The following CCDC126 variants were observed in gnomAD, a reference collection of about 807,000 sequenced individuals.
The protein encoded by CCDC126 is coiled-coil domain-containing protein 126.
CCDC126 carries 5 observed loss-of-function variants against 11.7 expected under a neutral mutation model. The observed-to-expected ratio is 0.43, with a 90% CI of 0.22 to 0.90. CCDC126 has a LOEUF of 0.90. Ranked by LOEUF, CCDC126 falls within the 40% of genes least tolerant of loss-of-function variation. The probability of loss-of-function intolerance (pLI) is 0.27; values close to 1 mark genes in which losing one functional copy is unlikely to be tolerated. For synonymous variants in CCDC126, 60 were observed against 61.9 expected (o/e 0.97, Z 0.14); for missense variants, 150 against 163.1 (o/e 0.92, Z 0.44).
At position 23,611,271 on chromosome 7, in the gene CCDC126, A is replaced by C; in HGVS notation, c.-45A>C. 1 of 1,219,896 alleles carries C rather than the reference A, an allele frequency of 8.2e-7. No homozygotes were observed. The highest frequency in any genetic ancestry group is 2.3e-5 in the East Asian group (1 of 42,884). The allele number at this position is 1,219,896 out of a possible 1,614,324, so 75.6% of individuals were successfully genotyped here. A position where few individuals can be genotyped will look rare whatever the true frequency, so the allele number is the denominator to read the frequency against. Reference sequence around the variant, plus strand: ...CAAGTCTTGATTTGTGGCTTACCTCAAGTTACCATTTTTCAGTCAAGTCTG... The same window carrying C: ...CAAGTCTTGATTTGTGGCTTACCTCCAGTTACCATTTTTCAGTCAAGTCTG... On this transcript the variant is annotated 5_prime_UTR_variant, in exon 3 of 4. Transcript: ENST00000307471.
rs1783423296 is a variant in CCDC126, at chr7:23,644,418, G to A, written c.*1303G>A. 1 of 152,362 alleles carries A rather than the reference G, an allele frequency of 6.6e-6. No homozygotes were observed. The highest frequency in any genetic ancestry group is 1.5e-5 in the Non-Finnish European group (1 of 67,930). The allele number at this position is 152,362 out of a possible 1,614,324, so 9.4% of individuals were successfully genotyped here. Reference sequence around the variant, plus strand: ...TAAGTGCAGCTAGCTTCTAGATTTAGACTATATAGAATTTAGATATTGTAT... The same window carrying A: ...TAAGTGCAGCTAGCTTCTAGATTTAAACTATATAGAATTTAGATATTGTAT... On this transcript the variant is annotated 3_prime_UTR_variant, in exon 4 of 4. Coordinates refer to ENST00000307471, the MANE Select transcript of CCDC126 (RefSeq NM_138771.4).
At chr7:23,641,020 T>C (rs1423394919) in intron 3 of CCDC126, among the ~76,000 whole-genome samples, 7 of 134,456 alleles carry the variant, frequency 5.2e-5, no homozygotes, top group African/African-American at 2.3e-4. Flanking sequence ...TTTTTTGGTA[T>C]ATACCTAGGA....
At chr7:23,609,099 G>C (rs887489830) in intron 2 of CCDC126, among the ~76,000 whole-genome samples, 3 of 152,112 alleles carry the variant, frequency 2.0e-5, no homozygotes, top group African/African-American at 7.2e-5. Flanking sequence ...TCTTCAGTTT[G>C]ACAATAATGG....
chr7:23,611,404 T>C lies in CCDC126; in HGVS notation c.89T>C (p.Leu30Pro), dbSNP rs2128015769. 6.2e-7 allele frequency: 1 copy of C among 1,613,942 alleles called. No homozygotes were observed. Among genetic ancestry groups the C allele is most frequent in the East Asian group, 2.2e-5 (1 of 44,844 alleles). Residue 30 changes from leucine (L) to proline (P), a missense_variant, in exon 3 of 4, where the codon CTG (leucine) becomes CCG (proline). Coordinates refer to ENST00000307471, the MANE Select transcript of CCDC126 (RefSeq NM_138771.4). The stretch of plus-strand genomic sequence containing the variant: ...GGACTCATTTGGGGATTGATGTTAC[T>C]GCACTATACTTTTCAACAACCAAGA... The part of the protein sequence containing the change: ...VFGLIWGLML[L>P]HYTFQQPRHQ...
At chr7:23,634,706 A>G (rs1783176546) in intron 3 of CCDC126, among the ~76,000 whole-genome samples, 1 of 152,134 alleles carries the variant, frequency 6.6e-6, no homozygotes, top group South Asian at 2.1e-4. Flanking sequence ...AGGAATTTGG[A>G]AAGTAGGAGG....
At chr7:23,599,336 G>A (rs1217516048) in intron 2 of CCDC126, among the ~76,000 whole-genome samples, 1 of 151,992 alleles carries the variant, frequency 6.6e-6, no homozygotes, top group African/African-American at 2.4e-5. Context: ...TTTTCCCTGG[G>A]GCCTCTTTGT....
intron 3 of CCDC126, among the ~76,000 whole-genome samples, chr7:23,619,985 T>C (rs1304745826): frequency 1.3e-5 from 2 of 152,134 alleles, no homozygotes; most frequent in Admixed American, 1.3e-4. Context: ...CTATCATTGT[T>C]GGATATTTGG....
chr7:23,631,593 T>C (rs1783115439), intron 3 of CCDC126, among the ~76,000 whole-genome samples: 1 of 151,992 alleles, frequency 6.6e-6, no homozygotes, highest in Admixed American at 6.6e-5. Context: ...AAACCCTGTC[T>C]CTACTAAAAA....
chr7:23,623,976 C>A (rs1348930020), intron 3 of CCDC126, among the ~76,000 whole-genome samples: 1 of 152,184 alleles, frequency 6.6e-6, no homozygotes, highest in Non-Finnish European at 1.5e-5. Context: ...TTAGTCCTTT[C>A]TTTACCTCTG....
intron 2 of CCDC126, among the ~76,000 whole-genome samples, chr7:23,602,930 T>A (rs989664293): frequency 4.5e-4 from 68 of 152,270 alleles, no homozygotes; most frequent in Middle Eastern, 3.4e-3. Context: ...ACCTTTCACA[T>A]CTATGGTTCC....
At chr7:23,623,593 CA>C (rs35474549) in intron 3 of CCDC126, among the ~76,000 whole-genome samples, 53,005 of 107,924 alleles carry the variant, frequency 0.49, 10,153 homozygotes, top group South Asian at 0.62. Flanking sequence ...GAGACTGTCT[CA>C]AAAAAAAAAA....
chr7:23,605,846 A>G (rs953899084), intron 2 of CCDC126, among the ~76,000 whole-genome samples: 1 of 152,120 alleles, frequency 6.6e-6, no homozygotes, highest in Non-Finnish European at 1.5e-5. Context: ...TCAATTACAG[A>G]TTGTATGATA....
intron 3 of CCDC126, chr7:23,619,381 C>T (rs1782850661): frequency 2.5e-6 from 1 of 396,372 alleles, no homozygotes; most frequent in Non-Finnish European, 4.9e-6. Context: ...GAAGCGCATG[C>T]TTAAACTCAG....
intron 3 of CCDC126, among the ~76,000 whole-genome samples, chr7:23,640,991 GGTTTTTT>G (rs1188346342): frequency 1.3e-3 from 140 of 110,978 alleles, no homozygotes; most frequent in African/African-American, 3.1e-3. Flanking sequence ...GAATCCTTTT[GGTTTTTT>G]TTTTTTTTTT....
At chr7:23,638,959 A>G (rs1783301632) in intron 3 of CCDC126, among the ~76,000 whole-genome samples, 1 of 150,774 alleles carries the variant, frequency 6.6e-6, no homozygotes, top group Non-Finnish European at 1.5e-5. Flanking sequence ...GGAAAAGGAG[A>G]TCCAGTATTT....
chr7:23,598,223 G>A (rs1375473303), intron 2 of CCDC126, 172 bp downstream of exon 2: 1 of 152,310 alleles, frequency 6.6e-6, no homozygotes, highest in East Asian at 1.9e-4. Context: ...ACACACACCT[G>A]TAAGTGGTTA....
In CCDC126 at chr7:23,611,235, C is replaced by CTT. The variant is rs957986858; in HGVS notation, c.-72_-71dup. ...TATACAATATTGAGGATATTTTTTTCTTTTTTTTTTCAAGTCTTGATTTGT... is the reference window on the plus strand; with the variant it reads ...TATACAATATTGAGGATATTTTTTTCTTTTTTTTTTTTCAAGTCTTGATTTGT... On this transcript the variant is annotated 5_prime_UTR_variant, in exon 3 of 4. Coordinates refer to ENST00000307471, the MANE Select transcript of CCDC126 (RefSeq NM_138771.4). The CTT allele has an allele frequency of 1.5e-5, 11 of 748,666 alleles. No individual in the cohort carries two copies. The highest frequency in any genetic ancestry group is 3.7e-5 in the African/African-American group (2 of 54,736). The allele number at this position is 748,666 out of a possible 1,614,324, so 46.4% of individuals were successfully genotyped here.
intron 2 of CCDC126, among the ~76,000 whole-genome samples, chr7:23,605,542 A>G (rs774526489): frequency 6.6e-6 from 1 of 152,174 alleles, no homozygotes; most frequent in Non-Finnish European, 1.5e-5. Context: ...CATCACTACC[A>G]TCCATCTCCA....
chr7:23,633,814 C>T (rs983175709), intron 3 of CCDC126, among the ~76,000 whole-genome samples: 9 of 152,028 alleles, frequency 5.9e-5, no homozygotes, highest in Non-Finnish European at 1.0e-4. Context: ...GATTGTACCA[C>T]AGCACTCCAG....
Sources: gnomAD v4.1 joint callset for allele counts (sites outside exome capture counted in the v4.1 genomes callset) on GRCh38, gnomAD v4.1.1 for gene constraint, MANE v1.5 for transcripts, NCBI Gene and HGNC (gene_info 2026-07-23, HGNC 2026-07-21) for gene names.